The following CEP152 variants were observed in gnomAD, a reference collection of about 807,000 sequenced individuals.
The protein encoded by CEP152 is centrosomal protein of 152 kDa.
CEP152 carries 132 observed loss-of-function variants against 188.9 expected under a neutral mutation model. The ratio of observed to expected loss-of-function variants is 0.70; its 90% confidence interval spans 0.61 to 0.81. The LOEUF is 0.81. CEP152 is among the 30% of genes least tolerant of loss of function. CEP152 has a pLI of 0.00. For synonymous variants in CEP152, 649 were observed against 666.6 expected (o/e 0.97, Z 0.41); for missense variants, 1,914 against 1,969.8 (o/e 0.97, Z 0.54).
chr15:48,744,948 CGTT>C lies in CEP152; in HGVS notation c.3676_3678del (p.Asn1226del), dbSNP rs1555416269. 5 of 1,610,760 alleles carry C rather than the reference CGTT, an allele frequency of 3.1e-6. No homozygotes were observed. Among genetic ancestry groups the C allele is most frequent in the Non-Finnish European group, 4.2e-6 (5 of 1,178,898 alleles). ...AATTCTTCCAATTTATTCTTCATGT[CGTT>C]GTTTTCTTCTATTAATTCTTCAACA... On this transcript the variant is annotated inframe_deletion, in exon 23 of 27. Coordinates refer to ENST00000380950, the MANE Select transcript of CEP152 (RefSeq NM_001194998.2).
At chr15:48,806,889 A>G (rs1898016269) in intron 1 of CEP152, among the ~76,000 whole-genome samples, 3 of 152,298 alleles carry the variant, frequency 2.0e-5, no homozygotes, top group Admixed American at 1.3e-4. Context: ...TAGATATTAA[A>G]GTGTGAAAAG....
chr15:48,758,718 C>CAAAA (rs869223881), intron 19 of CEP152, among the ~76,000 whole-genome samples: 25,664 of 70,192 alleles, frequency 0.37, 6,055 homozygotes, highest in Non-Finnish European at 0.47. Context: ...GACTCCATCT[C>CAAAA]AAAAAAAAAA....
At chr15:48,791,848 TA>T (rs573098024) in intron 7 of CEP152, among the ~76,000 whole-genome samples, 22 of 144,992 alleles carry the variant, frequency 1.5e-4, no homozygotes, top group African/African-American at 2.0e-4. Flanking sequence ...AATTAAAAAT[TA>T]AAAAAAAAAA....
intron 2 of CEP152, among the ~76,000 whole-genome samples, chr15:48,802,008 A>G (rs1254033875): frequency 6.6e-6 from 1 of 152,066 alleles, no homozygotes; most frequent in Non-Finnish European, 1.5e-5. Flanking sequence ...GAGGCAGGAG[A>G]ATCGCTTGAA....
intron 19 of CEP152, 107 bp downstream of exon 19, chr15:48,760,028 T>C: frequency 1.4e-6 from 2 of 1,443,910 alleles, no homozygotes; most frequent in African/African-American, 1.4e-5. Context: ...TATCAACATG[T>C]TTATCCTTCA....
Position 48,738,574 on chromosome 15 carries a change from C to T in CEP152, c.4808G>A (p.Ser1603Asn). ...AAACTGTTTGGATTTAACAGATTCACTTGGTATTTCCAAAGTTCCTTGTGG... is the reference window on the plus strand; with the variant it reads ...AAACTGTTTGGATTTAACAGATTCATTTGGTATTTCCAAAGTTCCTTGTGG... The part of the protein sequence containing the change: ...GRPQGTLEIP[S>N]ESVKSKQFSP... Residue 1603 changes from serine to asparagine, a missense_variant, in exon 27 of 27, where the codon AGT (serine) becomes AAT (asparagine). By Grantham distance (46) the Ser-to-Asn change is conservative. Coordinates refer to ENST00000380950, the MANE Select transcript of CEP152 (RefSeq NM_001194998.2). 2 of 1,614,208 alleles carry T rather than the reference C, an allele frequency of 1.2e-6. No individual in the cohort carries two copies. The highest frequency in any genetic ancestry group is 8.5e-7 in the Non-Finnish European group (1 of 1,180,024).
intron 19 of CEP152, among the ~76,000 whole-genome samples, chr15:48,758,286 G>A (rs769707290): frequency 7.9e-5 from 12 of 152,130 alleles, no homozygotes; most frequent in East Asian, 1.9e-4. Flanking sequence ...CTATGGAACC[G>A]GCCCTTTCTG....
chr15:48,775,217 G>A (rs965763834), intron 12 of CEP152, among the ~76,000 whole-genome samples: 2 of 151,790 alleles, frequency 1.3e-5, no homozygotes, highest in African/African-American at 4.8e-5. Context: ...AAGACACAGA[G>A]ACAGAAAAGG....
intron 17 of CEP152, among the ~76,000 whole-genome samples, chr15:48,763,178 C>T (rs1299874361): frequency 6.6e-6 from 1 of 152,154 alleles, no homozygotes; most frequent in Non-Finnish European, 1.5e-5. Flanking sequence ...AAAAGGGAGG[C>T]AGTATTATTG....
intron 17 of CEP152, 117 bp from the exon 18 acceptor site, chr15:48,762,789 T>C: frequency 1.0e-6 from 1 of 966,018 alleles, no homozygotes; most frequent in South Asian, 1.5e-5. Flanking sequence ...TAGATATTGT[T>C]GTAGTAATTA....
intron 24 of CEP152, among the ~76,000 whole-genome samples, chr15:48,743,876 T>C (rs1171177316): frequency 6.6e-6 from 1 of 152,018 alleles, no homozygotes; most frequent in African/African-American, 2.4e-5. Context: ...AAAAAAAAGT[T>C]TATGGTAGGA....
intron 12 of CEP152, among the ~76,000 whole-genome samples, chr15:48,777,473 T>C (rs1895987555): frequency 6.7e-6 from 1 of 149,324 alleles, no homozygotes; most frequent in African/African-American, 2.5e-5. Context: ...ATATTGTGTG[T>C]GTGTGTGTGT....
At chr15:48,768,766 C>T (rs377586516) in intron 14 of CEP152, among the ~76,000 whole-genome samples, 190 bp downstream of exon 14, 2 of 152,180 alleles carry the variant, frequency 1.3e-5, no homozygotes, top group East Asian at 1.9e-4. Flanking sequence ...ACTACACTAA[C>T]TTACCTTCCA....
intron 22 of CEP152, among the ~76,000 whole-genome samples, chr15:48,747,152 G>C (rs1261548230): frequency 6.6e-6 from 1 of 152,168 alleles, no homozygotes; most frequent in Admixed American, 6.5e-5. Flanking sequence ...TAAAAAGGTT[G>C]CTCCAGCTAC....
intron 18 of CEP152, among the ~76,000 whole-genome samples, 153 bp downstream of exon 18, chr15:48,762,238 A>G (rs539286293): frequency 2.0e-5 from 3 of 152,318 alleles, no homozygotes; most frequent in Admixed American, 2.0e-4. Context: ...TATTATGAAG[A>G]AAAATTTAGG....
chr15:48,807,795 T>C (rs1197212784), intron 1 of CEP152, among the ~76,000 whole-genome samples: 1 of 152,208 alleles, frequency 6.6e-6, no homozygotes, highest in Non-Finnish European at 1.5e-5. Context: ...TGTTGATTAT[T>C]GAAAAAGAAC....
chr15:48,802,562 T>C lies in CEP152; in HGVS notation c.87+3001A>G, dbSNP rs1897737978. 2.0e-5 allele frequency among the ~76,000 whole-genome samples: 3 copies of C among 152,196 alleles called. No individual in the cohort carries two copies. In the South Asian group the frequency reaches 6.2e-4, roughly 32 times the overall value. ...TGACTCACAGTGGGCCAACTTTTAC[T>C]AATGTACCATTAAGAGTTGTAGCAC... On this transcript the variant is annotated intron_variant, in intron 2 of 26. Coordinates refer to ENST00000380950, the MANE Select transcript of CEP152 (RefSeq NM_001194998.2).
chr15:48,745,052 C>A, intron 22 of CEP152, 60 bp from the exon 23 acceptor site: 1 of 1,185,824 alleles, frequency 8.4e-7, no homozygotes, highest in Non-Finnish European at 1.2e-6. Flanking sequence ...CTTCTTTTCC[C>A]TTAAGTTCCC....
chr15:48,750,883 G>A (rs1423471807), intron 21 of CEP152, among the ~76,000 whole-genome samples: 1 of 152,170 alleles, frequency 6.6e-6, no homozygotes, highest in Non-Finnish European at 1.5e-5. Flanking sequence ...AGACTGGGGA[G>A]AGGTTGCAGG....
Sources: allele counts gnomAD v4.1 joint callset (sites outside exome capture counted in the v4.1 genomes callset), GRCh38; gene constraint gnomAD v4.1.1; transcripts MANE v1.5; gene names NCBI Gene and HGNC (gene_info 2026-07-23, HGNC 2026-07-21).